NRDC: variants seen among roughly 807,000 people sequenced by gnomAD.
The protein encoded by NRDC is nardilysin convertase.
NRDC carries 54 observed loss-of-function variants against 147.1 expected under a neutral mutation model. The observed-to-expected ratio is 0.37, with a 90% CI of 0.29 to 0.46. The LOEUF is 0.46. Ranked by LOEUF, NRDC falls within the 20% of genes least tolerant of loss-of-function variation. NRDC has a pLI of 1.00. For synonymous variants in NRDC, 440 were observed against 482.1 expected, an observed-to-expected ratio of 0.91 and a Z score of 1.14; for missense variants, 1,082 against 1,370.6, an observed-to-expected ratio of 0.79 and a Z score of 3.33.
chr1:51,854,640 C>G (rs941448274), intron 1 of NRDC, among the ~76,000 whole-genome samples: 3 of 152,132 alleles, frequency 2.0e-5, no homozygotes, highest in African/African-American at 7.2e-5. Context: ...AACAGCCAAG[C>G]TGGCCCAGCA....
intron 4 of NRDC, 70 bp downstream of exon 4, chr1:51,833,947 A>G: frequency 7.4e-7 from 1 of 1,357,722 alleles, no homozygotes; most frequent in East Asian, 2.3e-5. Flanking sequence ...CTACTGTACA[A>G]GAACACTCTA....
intron 25 of NRDC, 115 bp from the exon 26 acceptor site, chr1:51,792,213 C>A: frequency 1.4e-6 from 2 of 1,419,362 alleles, no homozygotes; most frequent in South Asian, 2.3e-5. Flanking sequence ...GTGCCTTTTT[C>A]CTAATTGGCC....
At chr1:51,795,265 C>G in intron 22 of NRDC, 1 of 1,200,222 alleles carries the variant, frequency 8.3e-7, no homozygotes, top group Non-Finnish European at 1.1e-6. Flanking sequence ...CTCTTCCCTT[C>G]TTAAGAATTC....
intron 1 of NRDC, among the ~76,000 whole-genome samples, chr1:51,851,546 GA>G (rs199712684): frequency 0.07 from 9,908 of 140,898 alleles, 414 homozygotes; most frequent in Middle Eastern, 0.23. Flanking sequence ...TGGGCCCAAG[GA>G]AAAAAAAAAA....
rs150559312 is a variant in NRDC at position 51,878,349 on chromosome 1, C to T, written c.267G>A (p.Glu89=). The T allele has an allele frequency of 5.6e-6, 9 of 1,614,072 alleles. No individual in the cohort carries two copies. The South Asian group carries it at 9.9e-5, about 18-fold the overall frequency. ...CATTACTGAGAGACCCCCTCCGTCC[C>T]TCTTCCTCAGATTCATCCGCTCCTA... is the stretch of plus-strand genomic sequence containing the variant. ...ARLGADESEE[E]GRRGSLSNAG... is the part of the protein sequence containing the mutation. Residue 89 remains glutamate, a synonymous_variant, in exon 1 of 31, where the codon GAG becomes GAA. Transcript: ENST00000352171.
chr1:51,806,646 G>A, intron 18 of NRDC, 148 bp downstream of exon 18: 1 of 668,018 alleles, frequency 1.5e-6, no homozygotes. Context: ...AGGGTGAGAG[G>A]GCATCAAGGT....
rs1678497553 is a variant in NRDC at position 51,789,773 on chromosome 1, TC to T, written c.3169-117del. The T allele has an allele frequency of 5.3e-5, 38 of 719,338 alleles. No individual in the cohort carries two copies. The South Asian group carries it at 6.3e-4, about 12-fold the overall frequency. The allele number at this position is 719,338 out of a possible 1,614,324, so 44.6% of individuals were successfully genotyped here. A position where few individuals can be genotyped will look rare whatever the true frequency, so the allele number is the denominator to read the frequency against. Reference sequence around the variant, plus strand: ...GCATCTGAAGACCTCATTTTATTCTTCCTATTCTCAGGTTACCCCTAACCTT... The same window carrying T: ...GCATCTGAAGACCTCATTTTATTCTTCTATTCTCAGGTTACCCCTAACCTT... On this transcript the variant is annotated intron_variant, in intron 29 of 30. Coordinates refer to ENST00000352171, the MANE Select transcript of NRDC (RefSeq NM_001101662.2).
chr1:51,793,984 T>G (rs1433268016), intron 24 of NRDC: 1 of 155,100 alleles, frequency 6.4e-6, no homozygotes. Flanking sequence ...AGGAATAATC[T>G]GAGACCCAGC....
intron 14 of NRDC, 53 bp downstream of exon 14, chr1:51,813,982 C>G (rs994372773): frequency 5.2e-6 from 6 of 1,152,938 alleles, no homozygotes; most frequent in Non-Finnish European, 2.6e-6. Flanking sequence ...AATGTCTACA[C>G]CAGCTTCAAC....
At chr1:51,853,201 G>C (rs1238633359) in intron 1 of NRDC, among the ~76,000 whole-genome samples, 2 of 151,278 alleles carry the variant, frequency 1.3e-5, no homozygotes, top group African/African-American at 4.9e-5. Flanking sequence ...CTGGGTGACA[G>C]AGGGAGACTG....
intron 1 of NRDC, among the ~76,000 whole-genome samples, chr1:51,866,087 C>T (rs887858668): frequency 1.3e-4 from 20 of 152,046 alleles, no homozygotes; most frequent in Admixed American, 3.3e-4. Context: ...TTAAAATTAG[C>T]TGGGCGTGGT....
At chr1:51,811,754 T>C (rs377511480) in intron 15 of NRDC, among the ~76,000 whole-genome samples, 4 of 152,294 alleles carry the variant, frequency 2.6e-5, no homozygotes, top group African/African-American at 9.6e-5. Flanking sequence ...CATTTGAAAA[T>C]TATTAAAATA....
intron 1 of NRDC, among the ~76,000 whole-genome samples, chr1:51,858,607 T>C (rs1240891866): frequency 6.6e-6 from 1 of 152,132 alleles, no homozygotes; most frequent in African/African-American, 2.4e-5. Context: ...AAAATGTTGA[T>C]AAAATGTAAA....
intron 2 of NRDC, among the ~76,000 whole-genome samples, chr1:51,838,376 T>C (rs1322292239): frequency 1.3e-5 from 2 of 152,212 alleles, no homozygotes; most frequent in African/African-American, 2.4e-5. Context: ...GTGTTCACAA[T>C]TGCTGTATAA....
chr1:51,861,108 C>T (rs1349101477), intron 1 of NRDC, among the ~76,000 whole-genome samples: 1 of 151,758 alleles, frequency 6.6e-6, no homozygotes, highest in African/African-American at 2.4e-5. Context: ...CATCACCATG[C>T]CCAGTTAATT....
intron 1 of NRDC, among the ~76,000 whole-genome samples, chr1:51,877,832 G>A (rs1253591735): frequency 1.3e-5 from 2 of 152,092 alleles, no homozygotes; most frequent in Non-Finnish European, 2.9e-5. Flanking sequence ...CCATCCTCTG[G>A]TAACTTTCGT....
intron 20 of NRDC, among the ~76,000 whole-genome samples, chr1:51,801,521 T>G (rs1396920042): frequency 6.6e-6 from 1 of 152,182 alleles, no homozygotes; most frequent in Admixed American, 6.5e-5. Context: ...GATATACTAG[T>G]CTTTTGACCA....
intron 1 of NRDC, chr1:51,862,234 C>T (rs1297464194): frequency 2.0e-5 from 3 of 151,654 alleles, no homozygotes; most frequent in African/African-American, 4.8e-5. Context: ...TACATATATA[C>T]GTATATAGGG....
At chr1:51,867,077 C>A (rs559401603) in intron 1 of NRDC, among the ~76,000 whole-genome samples, 8 of 152,040 alleles carry the variant, frequency 5.3e-5, no homozygotes, top group Admixed American at 2.0e-4. Context: ...TGGGCTCCTG[C>A]AATACTCCTG....
Sources: gnomAD v4.1 joint callset for allele counts (sites outside exome capture counted in the v4.1 genomes callset) on GRCh38, gnomAD v4.1.1 for gene constraint, MANE v1.5 for transcripts, NCBI Gene and HGNC (gene_info 2026-07-23, HGNC 2026-07-21) for gene names.